Variants in ADAM32 observed in about 807,000 individuals in gnomAD.
ADAM32 encodes the protein ADAM metallopeptidase domain 32.
In ADAM32, 89 loss-of-function variants were observed where a neutral mutation model predicts 114.9. The observed-to-expected ratio is 0.77, with a 90% CI of 0.65 to 0.92. The LOEUF is 0.92. Among genes scored for constraint, ADAM32 ranks in the 40% least tolerant of loss-of-function variants. ADAM32 has a pLI of 0.00. For missense variants in ADAM32, 870 were observed against 932.8 expected (o/e 0.93, Z 0.88); for synonymous variants, 285 against 307.5 (o/e 0.93, Z 0.77).
Position 39,139,607 on chromosome 8 carries a change from A to G in ADAM32, c.200+2889A>G, listed in dbSNP as rs1001493536. Among the ~76,000 whole-genome samples the G allele has an allele frequency of 1.2e-4, 19 of 152,240 alleles. 1 individual carries two copies. The highest frequency in any genetic ancestry group is 7.7e-4 in the East Asian group (4 of 5,178). Reference sequence around the variant, plus strand: ...GTAGTATAGTTTGAAGTCAGGTAGTATGATGCCTCCAGCTTTGTTCTTTTT... The same window carrying G: ...GTAGTATAGTTTGAAGTCAGGTAGTGTGATGCCTCCAGCTTTGTTCTTTTT... On this transcript the variant is annotated intron_variant, in intron 3 of 24. Coordinates refer to ENST00000379907, the MANE Select transcript of ADAM32 (RefSeq NM_145004.7).
At chr8:39,164,433 A>G (rs2129446179) in intron 7 of ADAM32, among the ~76,000 whole-genome samples, 1 of 152,342 alleles carries the variant, frequency 6.6e-6, no homozygotes. Flanking sequence ...GATGTTATGG[A>G]CATTCATGTA....
chr8:39,213,512 G>A (rs1435482541), intron 12 of ADAM32, among the ~76,000 whole-genome samples: 1 of 151,540 alleles, frequency 6.6e-6, no homozygotes, highest in Middle Eastern at 3.2e-3. Flanking sequence ...AATTTTTGTG[G>A]GTAGTAGATG....
intron 1 of ADAM32, among the ~76,000 whole-genome samples, chr8:39,117,026 T>A (rs1489731906): frequency 2.0e-5 from 3 of 152,076 alleles, no homozygotes; most frequent in Non-Finnish European, 2.9e-5. Context: ...TGGGACTACA[T>A]GCACATGCCA....
chr8:39,257,439 T>C (rs1229817782), intron 19 of ADAM32, 96 bp downstream of exon 19: 2 of 1,377,006 alleles, frequency 1.5e-6, no homozygotes, highest in African/African-American at 2.9e-5. Flanking sequence ...ACTTTACATA[T>C]CACTGGGATT....
At chr8:39,275,950 T>A in intron 22 of ADAM32, 84 bp downstream of exon 22, 2 of 1,314,998 alleles carry the variant, frequency 1.5e-6, no homozygotes, top group South Asian at 1.4e-5. Context: ...AACAATTACT[T>A]GCTAACTATT....
chr8:39,122,833 T>C (rs2129444493), intron 2 of ADAM32, among the ~76,000 whole-genome samples: 1 of 152,302 alleles, frequency 6.6e-6, no homozygotes, highest in South Asian at 2.1e-4. Context: ...CCTCCCAAAG[T>C]GTTGGGATTA....
At chr8:39,284,073 C>G (rs1813623489) in intron 24 of ADAM32, among the ~76,000 whole-genome samples, 1 of 152,162 alleles carries the variant, frequency 6.6e-6, no homozygotes, top group Non-Finnish European at 1.5e-5. Flanking sequence ...CATGTCCAGC[C>G]TAAATGACCT....
chr8:39,277,576 G>A (rs1281185340), intron 22 of ADAM32, among the ~76,000 whole-genome samples: 3 of 152,214 alleles, frequency 2.0e-5, no homozygotes, highest in East Asian at 3.9e-4. Flanking sequence ...CTCATCGGAG[G>A]GAACGCGTGG....
Position 39,107,853 on chromosome 8 carries a change from G to A in ADAM32, c.58+20G>A, listed in dbSNP as rs1365818460. 6.5e-7 allele frequency: 1 copy of A among 1,527,146 alleles called. No individual in the cohort carries two copies. The highest frequency in any genetic ancestry group is 8.8e-7 in the Non-Finnish European group (1 of 1,135,840). 94.6% of individuals were successfully genotyped at this position (1,527,146 alleles called of 1,614,324 possible). A position where few individuals can be genotyped will look rare whatever the true frequency, so the allele number is the denominator to read the frequency against. Reference sequence around the variant, plus strand: ...GACCCGGTGAGCCAGCCCAGACCCTGACACTAGTCCGGGCGCTCGTCACAC... The same window carrying A: ...GACCCGGTGAGCCAGCCCAGACCCTAACACTAGTCCGGGCGCTCGTCACAC... On this transcript the variant is annotated intron_variant, in intron 1 of 24. Coordinates refer to ENST00000379907, the MANE Select transcript of ADAM32 (RefSeq NM_145004.7).
At chr8:39,128,532 G>A (rs1802248958) in intron 2 of ADAM32, among the ~76,000 whole-genome samples, 1 of 152,104 alleles carries the variant, frequency 6.6e-6, no homozygotes, top group Non-Finnish European at 1.5e-5. Flanking sequence ...TGTTAGTATT[G>A]TTATGTGTGA....
At chr8:39,242,677 G>C (rs1267175358) in intron 16 of ADAM32, among the ~76,000 whole-genome samples, 1 of 152,106 alleles carries the variant, frequency 6.6e-6, no homozygotes, top group East Asian at 1.9e-4. Flanking sequence ...TGGGAATTCA[G>C]AATGAAATTT....
At chr8:39,220,390 A>G (rs962997124) in intron 12 of ADAM32, among the ~76,000 whole-genome samples, 10 of 151,952 alleles carry the variant, frequency 6.6e-5, no homozygotes, top group African/African-American at 2.4e-4. Context: ...TTTTTTATTC[A>G]ACTTGCACTT....
At chr8:39,262,641 A>C (rs7816763) in intron 19 of ADAM32, among the ~76,000 whole-genome samples, 53,697 of 145,300 alleles carry the variant, frequency 0.37, 11,840 homozygotes, top group African/African-American at 0.64. Flanking sequence ...CCCTCCCTCC[A>C]TTCCCCTCTT....
chr8:39,270,851 T>C (rs1015490704), intron 19 of ADAM32, 25 bp from the exon 20 acceptor site: 3 of 1,594,592 alleles, frequency 1.9e-6, no homozygotes, highest in Non-Finnish European at 1.7e-6. Flanking sequence ...AGTACTAACA[T>C]GAGACATTTT....
At position 39,218,326 on chromosome 8, in the gene ADAM32, T is replaced by A. The variant is rs576710146; in HGVS notation, c.1234-3284T>A. On this transcript the variant is annotated intron_variant, in intron 12 of 24. Transcript: ENST00000379907. Reference sequence around the variant, plus strand: ...TGCTGGATCAGACCTGAAGTCAGCATGGCACTGGGTCTCACGCAAGGCTTG... The same window carrying A: ...TGCTGGATCAGACCTGAAGTCAGCAAGGCACTGGGTCTCACGCAAGGCTTG... 6.6e-5 allele frequency among the ~76,000 whole-genome samples: 10 copies of A among 152,316 alleles called. No homozygotes were observed. In the South Asian group the frequency reaches 1.9e-3, roughly 28 times the overall value.
chr8:39,234,059 G>T lies in ADAM32; in HGVS notation c.1795G>T (p.Gly599Cys). 1 of 1,482,682 alleles carries T rather than the reference G, an allele frequency of 6.7e-7. No individual in the cohort carries two copies. Among genetic ancestry groups the T allele is most frequent in the Non-Finnish European group, 9.0e-7 (1 of 1,112,828 alleles). 91.8% of individuals were successfully genotyped at this position (1,482,682 alleles called of 1,614,324 possible). The change falls in exon 16 of 25, where the codon GGC (glycine) becomes TGC (cysteine). Residue 599 changes from glycine to cysteine, a missense_variant. By Grantham distance (159) the Gly-to-Cys change is radical. Transcript: ENST00000379907. The part of the protein sequence containing the change: ...TVPDPLAVKN[G>C]SQCDIGRVCV... ...TCCAGATCCACTGGCTGTCAAAAAT[G>T]GCTCTCAGTGTGATATTGGGAGGGT...
rs1397435636 is a variant in ADAM32 at position 39,275,878 on chromosome 8, AG to A, written c.2279+17del. 5.2e-6 allele frequency: 8 copies of A among 1,546,334 alleles called. No homozygotes were observed. The highest frequency in any genetic ancestry group is 1.4e-5 in the African/African-American group (1 of 72,394). ...GCTGATACTAGCAAGTAAGTGAATT[AG>A]GGGGCATTTTTTTTATATAATAAGT... On this transcript the variant is annotated intron_variant, in intron 22 of 24. Transcript: ENST00000379907.
chr8:39,200,857 C>A (rs1430357939), intron 11 of ADAM32, among the ~76,000 whole-genome samples: 2 of 152,096 alleles, frequency 1.3e-5, no homozygotes, highest in East Asian at 3.8e-4. Flanking sequence ...GCCAGTTTTC[C>A]CAGCACCATT....
intron 16 of ADAM32, among the ~76,000 whole-genome samples, chr8:39,245,298 T>A (rs926109531): frequency 6.6e-6 from 1 of 152,088 alleles, no homozygotes; most frequent in African/African-American, 2.4e-5. Context: ...CTTTGGGGAC[T>A]TGGGGGGAAG....
Sources: gnomAD v4.1 joint callset for allele counts (sites outside exome capture counted in the v4.1 genomes callset) on GRCh38, gnomAD v4.1.1 for gene constraint, MANE v1.5 for transcripts, NCBI Gene and HGNC (gene_info 2026-07-23, HGNC 2026-07-21) for gene names.